The following ZFHX3 variants were observed in gnomAD, a reference collection of about 807,000 sequenced individuals.
The protein encoded by ZFHX3 is zinc finger homeobox protein 3.
Under a neutral mutation model 279.1 loss-of-function variants are expected in ZFHX3, and 42 were observed. The observed-to-expected ratio is 0.15, with a 90% CI of 0.12 to 0.19. The LOEUF is 0.19. ZFHX3 is among the 10% of genes least tolerant of loss of function. The pLI is 1.00. For synonymous variants in ZFHX3, 2,293 were observed against 1,957.8 expected, an observed-to-expected ratio of 1.17 and a Z score of -4.52; for missense variants, 4,981 against 4,754.0, an observed-to-expected ratio of 1.05 and a Z score of -1.40.
rs920797808 is a variant in ZFHX3, at chr16:72,889,935, C to T, written c.3244G>A (p.Glu1082Lys). ...KHLQQHESGV[E>K]GESCYYHCVL... ...CAGTGGTAGTAGCAGCTCTCACCTT[C>T]TACACCACTCTCATGCTGCTGCAGG... The change falls in exon 4 of 10, where the codon GAA (glutamate) becomes AAA (lysine). Residue 1082 changes from glutamate (E) to lysine (K), a missense_variant. Around this residue, in one of 7 missense-constraint regions of ZFHX3, gnomAD observed 1,751 missense variants for 1,770.0 expected, o/e 0.99. Coordinates refer to ENST00000268489, the MANE Select transcript of ZFHX3 (RefSeq NM_006885.4). 5 of 1,613,874 alleles carry T rather than the reference C, an allele frequency of 3.1e-6. No individual in the cohort carries two copies. Among genetic ancestry groups the T allele is most frequent in the Non-Finnish European group, 4.2e-6 (5 of 1,180,024 alleles).
chr16:73,385,091 A>T (rs1056856433), intron 3 of ZFHX3, among the ~76,000 whole-genome samples: 1 of 152,184 alleles, frequency 6.6e-6, no homozygotes, highest in Non-Finnish European at 1.5e-5. Flanking sequence ...GGAAAAGAAC[A>T]AGCATGGAGG....
Position 73,314,062 on chromosome 16 carries a change from G to A in ZFHX3, c.-1194+4178C>T, listed in dbSNP as rs542147852. ...TGCAGTGAGCCAAGATTATACCACT[G>A]CACTCCAGCCTGGGCAACAGAGAGA... On this transcript the variant is annotated intron_variant, in intron 4 of 17. Transcript: ENST00000641206. Among the ~76,000 whole-genome samples, 20 of 152,234 alleles carry A rather than the reference G, an allele frequency of 1.3e-4. 1 individual carries two copies. Among genetic ancestry groups the A allele is most frequent in the South Asian group, 1.0e-3 (5 of 4,820 alleles).
At chr16:73,833,483 C>T (rs1961053850) in intron 1 of ZFHX3, among the ~76,000 whole-genome samples, 2 of 152,144 alleles carry the variant, frequency 1.3e-5, no homozygotes, top group South Asian at 4.1e-4. Flanking sequence ...AACCATCATT[C>T]TTCAGCAAAC....
rs2035314925 is a variant in ZFHX3 at position 72,785,293 on chromosome 16, G to A, written c.*1871C>T. 1 of 151,488 alleles carries A rather than the reference G, an allele frequency of 6.6e-6. No individual in the cohort carries two copies. Among genetic ancestry groups the A allele is most frequent in the South Asian group, 2.1e-4 (1 of 4,814 alleles). 9.4% of individuals were successfully genotyped at this position (151,488 alleles called of 1,614,324 possible). A position where few individuals can be genotyped will look rare whatever the true frequency, so the allele number is the denominator to read the frequency against. Reference sequence around the variant, plus strand: ...GGAATATGGATATTAACAGAAACAAGTGCCTCACATACAGTTCCTTTTTTG... The same window carrying A: ...GGAATATGGATATTAACAGAAACAAATGCCTCACATACAGTTCCTTTTTTG... On this transcript the variant is annotated 3_prime_UTR_variant, in exon 10 of 10. Transcript: ENST00000268489.
intron 3 of ZFHX3, among the ~76,000 whole-genome samples, chr16:72,948,011 G>A (rs1352498914): frequency 1.3e-5 from 2 of 152,332 alleles, no homozygotes; most frequent in East Asian, 3.9e-4. Flanking sequence ...TTGAGAGGGA[G>A]CCTTCCTTAG....
chr16:73,217,477 C>T (rs1027695705), intron 5 of ZFHX3, among the ~76,000 whole-genome samples: 5 of 152,074 alleles, frequency 3.3e-5, no homozygotes, highest in Admixed American at 6.5e-5. Context: ...GCAGCCTGGC[C>T]CTACACTAAG....
upstream of ZFHX3, among the ~76,000 whole-genome samples, chr16:73,064,367 G>T (rs1965720865): frequency 6.6e-6 from 1 of 152,076 alleles, no homozygotes; most frequent in African/African-American, 2.4e-5. Flanking sequence ...AGACCAGCTG[G>T]TCTAGAAGGC....
At chr16:73,861,290 A>AT (rs1446872721) in intron 1 of ZFHX3, among the ~76,000 whole-genome samples, 1 of 152,066 alleles carries the variant, frequency 6.6e-6, no homozygotes, top group Non-Finnish European at 1.5e-5. Flanking sequence ...TTTCTAAAGA[A>AT]TTTCACTCTC....
intron 3 of ZFHX3, among the ~76,000 whole-genome samples, chr16:73,449,956 T>C (rs2018255054): frequency 6.6e-6 from 1 of 152,196 alleles, no homozygotes; most frequent in Admixed American, 6.5e-5. Flanking sequence ...AATTCTAACC[T>C]AACAATGTCT....
At chr16:73,005,708 T>C (rs1217303307) in intron 1 of ZFHX3, 1 of 152,002 alleles carries the variant, frequency 6.6e-6, no homozygotes, top group Non-Finnish European at 1.5e-5. Flanking sequence ...AAGAATGGCG[T>C]GAACCCGGGA....
At chr16:73,057,368 T>C (rs1329577691) in intron 1 of ZFHX3, among the ~76,000 whole-genome samples, 4 of 152,146 alleles carry the variant, frequency 2.6e-5, no homozygotes, top group African/African-American at 9.7e-5. Flanking sequence ...AACTTAATTA[T>C]ATACACTGCA....
intron 2 of ZFHX3, among the ~76,000 whole-genome samples, chr16:73,639,478 G>C (rs1397741214): frequency 6.6e-6 from 1 of 152,136 alleles, no homozygotes; most frequent in Non-Finnish European, 1.5e-5. Flanking sequence ...ACATGCTCTT[G>C]AGAGCAGAGT....
intron 1 of ZFHX3, among the ~76,000 whole-genome samples, chr16:73,021,067 T>C (rs1284967170): frequency 6.6e-6 from 1 of 152,212 alleles, no homozygotes; most frequent in Non-Finnish European, 1.5e-5. Flanking sequence ...CTTAAATTAT[T>C]TTCCCGATGT....
chr16:73,478,924 C>T (rs979810131), intron 2 of ZFHX3, among the ~76,000 whole-genome samples: 15 of 152,134 alleles, frequency 9.9e-5, no homozygotes, highest in East Asian at 1.9e-4. Context: ...TGGTGGTGCG[C>T]GCCTGTAATC....
chr16:73,313,860 CA>C (rs1247687789), intron 4 of ZFHX3, among the ~76,000 whole-genome samples: 1 of 152,200 alleles, frequency 6.6e-6, no homozygotes, highest in Non-Finnish European at 1.5e-5. Context: ...GTAATCCCAA[CA>C]CTTTGGGAGG....
intron 1 of ZFHX3, among the ~76,000 whole-genome samples, chr16:73,011,513 T>C (rs1389706123): frequency 2.0e-5 from 3 of 151,702 alleles, no homozygotes; most frequent in Non-Finnish European, 2.9e-5. Flanking sequence ...GAGGCCAAGG[T>C]GGGCAGATCA....
intron 4 of ZFHX3, among the ~76,000 whole-genome samples, chr16:72,846,883 C>G (rs988788403): frequency 6.6e-6 from 1 of 152,318 alleles, no homozygotes; most frequent in African/African-American, 2.4e-5. Context: ...AGTGGCTATC[C>G]TTTGCCATGG....
At chr16:73,305,793 A>G (rs12149571) in intron 4 of ZFHX3, among the ~76,000 whole-genome samples, 11,981 of 152,206 alleles carry the variant, frequency 0.079, 662 homozygotes, top group Non-Finnish European at 0.12. Context: ...ATATGTTAAC[A>G]TCTCATGATG....
At chr16:73,877,582 C>T (rs2029995778) in intron 1 of ZFHX3, among the ~76,000 whole-genome samples, 1 of 152,006 alleles carries the variant, frequency 6.6e-6, no homozygotes, top group African/African-American at 2.4e-5. Flanking sequence ...CCAAAGACAC[C>T]ATTTAGCTTA....
Sources: allele counts gnomAD v4.1 joint callset (sites outside exome capture counted in the v4.1 genomes callset), GRCh38; gene constraint gnomAD v4.1.1; regional missense constraint gnomAD v4.1.1; transcripts MANE v1.5; gene names NCBI Gene and HGNC (gene_info 2026-07-23, HGNC 2026-07-21).